The following DCC variants were observed in gnomAD, a reference collection of about 807,000 sequenced individuals.
DCC encodes netrin receptor DCC.
Under a neutral mutation model 172.5 loss-of-function variants are expected in DCC, and 58 were observed. That is an observed-to-expected ratio of 0.34 (90% confidence interval 0.27 to 0.42). The LOEUF (loss-of-function observed/expected upper bound fraction) is 0.42, where lower values mean the gene tolerates loss of function less well. Among genes scored for constraint, DCC ranks in the 10% least tolerant of loss-of-function variants. DCC has a pLI of 1.00. For missense variants in DCC, 1,740 were observed against 1,791.0 expected, an observed-to-expected ratio of 0.97 and a Z score of 0.51; for synonymous variants, 709 against 644.5, an observed-to-expected ratio of 1.10 and a Z score of -1.52.
intron 17 of DCC, among the ~76,000 whole-genome samples, chr18:53,392,662 A>T (rs1908632598): frequency 6.6e-6 from 1 of 152,236 alleles, no homozygotes; most frequent in Non-Finnish European, 1.5e-5. Flanking sequence ...ACAAATGTAG[A>T]CAAAAATGAG....
intron 7 of DCC, among the ~76,000 whole-genome samples, chr18:53,139,159 C>T (rs1244364079): frequency 6.6e-6 from 1 of 152,160 alleles, no homozygotes; most frequent in African/African-American, 2.4e-5. Context: ...TCACTCAAAA[C>T]ACAGTGATAA....
chr18:53,310,083 C>T (rs570596637), intron 13 of DCC, among the ~76,000 whole-genome samples: 16 of 151,496 alleles, frequency 1.1e-4, no homozygotes, highest in Admixed American at 9.2e-4. Flanking sequence ...CCCTCCTCTC[C>T]CCTGCTCTGT....
intron 15 of DCC, among the ~76,000 whole-genome samples, chr18:53,344,543 A>T (rs1472542081): frequency 6.7e-6 from 1 of 148,376 alleles, no homozygotes; most frequent in Admixed American, 6.9e-5. Context: ...CCCAGGTTCA[A>T]GCAATCTCCT....
At chr18:53,049,737 T>A (rs1040965857) in intron 5 of DCC, among the ~76,000 whole-genome samples, 3 of 152,018 alleles carry the variant, frequency 2.0e-5, no homozygotes, top group Non-Finnish European at 2.9e-5. Context: ...AAAAATATGA[T>A]TAGTAGTTTG....
At chr18:53,390,673 CTT>C (rs1908490331) in intron 16 of DCC, among the ~76,000 whole-genome samples, 1 of 152,140 alleles carries the variant, frequency 6.6e-6, no homozygotes, top group Non-Finnish European at 1.5e-5. Context: ...ATCAGCTTCT[CTT>C]ATTCTGATAT....
intron 12 of DCC, among the ~76,000 whole-genome samples, chr18:53,284,013 G>A (rs1002652542): frequency 3.3e-5 from 5 of 152,162 alleles, no homozygotes; most frequent in Admixed American, 1.3e-4. Context: ...ATTTTCTTGT[G>A]CTTGAGCAAA....
rs1228797157 is a variant in DCC at position 52,340,624 on chromosome 18, G to A, written c.-164G>A. On this transcript the variant is annotated 5_prime_UTR_variant, in exon 1 of 29. Coordinates refer to ENST00000442544, the MANE Select transcript of DCC (RefSeq NM_005215.4). The stretch of plus-strand genomic sequence containing the variant: ...GGAAAAAGGCTTCGAAGGCAGCAGA[G>A]GCGCAGGGGAGGTGGAGAAAGAGGT... 1 of 735,640 alleles carries A rather than the reference G, an allele frequency of 1.4e-6. No homozygotes were observed. Among genetic ancestry groups the A allele is most frequent in the Non-Finnish European group, 2.5e-6 (1 of 400,896 alleles). 45.6% of individuals were successfully genotyped at this position (735,640 alleles called of 1,614,324 possible). A position where few individuals can be genotyped will look rare whatever the true frequency, so the allele number is the denominator to read the frequency against.
At position 52,752,026 on chromosome 18, in the gene DCC, C is replaced by T. The variant is rs763146109; in HGVS notation, c.92-28C>T. 8 of 1,586,284 alleles carry T rather than the reference C, an allele frequency of 5.0e-6. No individual in the cohort carries two copies. The Admixed American group carries it at 1.2e-4, about 23-fold the overall frequency. On this transcript the variant is annotated intron_variant, in intron 1 of 28. Coordinates refer to ENST00000442544, the MANE Select transcript of DCC (RefSeq NM_005215.4). ...CCTGAGATTTATTTGAATACATGAA[C>T]ATATTTCCCTGTGCTCTCTTGTTCC...
chr18:52,666,556 TTATGA>T (rs1435636571), intron 1 of DCC, among the ~76,000 whole-genome samples: 1 of 152,234 alleles, frequency 6.6e-6, no homozygotes, highest in African/African-American at 2.4e-5. Flanking sequence ...AGAAAAATAT[TTATGA>T]TTCGTGTTTC....
chr18:53,154,167 T>A (rs1010457186), intron 7 of DCC, among the ~76,000 whole-genome samples: 4 of 152,116 alleles, frequency 2.6e-5, no homozygotes, highest in Non-Finnish European at 5.9e-5. Flanking sequence ...CTCTGAGGGA[T>A]GAATAACTCT....
chr18:52,501,125 G>A (rs575466412), intron 1 of DCC, among the ~76,000 whole-genome samples: 15 of 152,046 alleles, frequency 9.9e-5, no homozygotes, highest in Non-Finnish European at 1.3e-4. Flanking sequence ...TGAAATCTTC[G>A]CACGTTGGTA....
At chr18:53,351,464 G>GTATA (rs35650757) in intron 15 of DCC, among the ~76,000 whole-genome samples, 1,302 of 33,170 alleles carry the variant, frequency 0.039, 109 homozygotes, top group African/African-American at 0.092. Flanking sequence ...TATACACAGT[G>GTATA]TGTATATATA....
chr18:52,752,957 T>C (rs1448106311), intron 2 of DCC, among the ~76,000 whole-genome samples: 1 of 151,952 alleles, frequency 6.6e-6, no homozygotes, highest in Non-Finnish European at 1.5e-5. Context: ...CTGAATAGTA[T>C]TCCATTGTGT....
intron 2 of DCC, among the ~76,000 whole-genome samples, chr18:52,901,736 A>G (rs960229284): frequency 1.3e-5 from 2 of 152,218 alleles, no homozygotes; most frequent in Non-Finnish European, 2.9e-5. Context: ...CCAACTTTCA[A>G]AATTTGGATG....
chr18:52,531,425 G>A (rs2032146768), intron 1 of DCC, among the ~76,000 whole-genome samples: 1 of 152,112 alleles, frequency 6.6e-6, no homozygotes, highest in South Asian at 2.1e-4. Context: ...AAAGAAATAT[G>A]ATAGTCAAAA....
chr18:52,554,872 A>G (rs1004805003), intron 1 of DCC, among the ~76,000 whole-genome samples: 10 of 152,128 alleles, frequency 6.6e-5, no homozygotes, highest in Non-Finnish European at 1.5e-4. Flanking sequence ...GCTCTTAAAT[A>G]TATGAAAAGT....
chr18:53,207,593 G>A, intron 10 of DCC, 86 bp from the exon 11 acceptor site: 1 of 1,263,176 alleles, frequency 7.9e-7, no homozygotes, highest in Non-Finnish European at 1.2e-6. Context: ...AGAGTCTAAT[G>A]TCCAATTCAC....
At chr18:53,445,175 T>C (rs1021697787) in intron 22 of DCC, among the ~76,000 whole-genome samples, 16 of 152,230 alleles carry the variant, frequency 1.1e-4, no homozygotes, top group African/African-American at 3.6e-4. Context: ...TTCCAGCTGA[T>C]TGATTACAGC....
intron 5 of DCC, among the ~76,000 whole-genome samples, chr18:52,929,172 C>T (rs1480998570): frequency 1.3e-5 from 2 of 152,012 alleles, no homozygotes; most frequent in Non-Finnish European, 2.9e-5. Context: ...ACACCCCAAC[C>T]TTAGGTGCTA....
Sources: gnomAD v4.1 joint callset for allele counts (sites outside exome capture counted in the v4.1 genomes callset) on GRCh38, gnomAD v4.1.1 for gene constraint, MANE v1.5 for transcripts, NCBI Gene and HGNC (gene_info 2026-07-23, HGNC 2026-07-21) for gene names.